The following SBSN variants were observed in gnomAD, a reference collection of about 807,000 sequenced individuals.
The protein encoded by SBSN is suprabasin.
Under a neutral mutation model 42.8 loss-of-function variants are expected in SBSN, and 33 were observed. That is an observed-to-expected ratio of 0.77 (90% CI 0.58 to 1.03). The LOEUF is 1.03. SBSN is among the 50% of genes least tolerant of loss of function. The probability of loss-of-function intolerance (pLI) is 0.00; values close to 1 mark genes in which losing one functional copy is unlikely to be tolerated. For missense variants in SBSN, 646 were observed against 757.3 expected (o/e 0.85, Z 1.72); for synonymous variants, 276 against 307.0 (o/e 0.90, Z 1.06).
chr19:35,525,582 T>C (rs1319759040), intron 1 of SBSN, among the ~76,000 whole-genome samples: 5 of 151,080 alleles, frequency 3.3e-5, no homozygotes, highest in Non-Finnish European at 5.9e-5. Context: ...CGCACAGGAG[T>C]CCACCCTCTC....
chr19:35,523,573 A>G, intron 3 of SBSN, 40 bp from the exon 4 acceptor site: 1 of 1,609,280 alleles, frequency 6.2e-7, no homozygotes, highest in East Asian at 2.2e-5. Flanking sequence ...TGTAGGGTCC[A>G]CAGTCATGAC....
In SBSN at chr19:35,527,933, G is replaced by C. The variant is rs1255579248; in HGVS notation, c.349C>G (p.His117Asp). 1 of 1,614,094 alleles carries C rather than the reference G, an allele frequency of 6.2e-7. No individual in the cohort carries two copies. Among genetic ancestry groups the C allele is most frequent in the East Asian group, 2.2e-5 (1 of 44,872 alleles). The change falls in exon 1 of 4, where the codon CAT (histidine) becomes GAT (aspartate). Residue 117 changes from histidine to aspartate, a missense_variant. His to Asp is a moderately conservative substitution (Grantham distance 81). This residue lies in a region of SBSN where 190 missense variants were observed against 197.1 expected (regional missense o/e 0.96). Transcript: ENST00000452271. ...TGTCCAGCAGCGTTGTTGACCCCATGGCCAAGCTTCTCTGCTTCCTTTCCT... is the reference window on the plus strand; with the variant it reads ...TGTCCAGCAGCGTTGTTGACCCCATCGCCAAGCTTCTCTGCTTCCTTTCCT... ...QAGKEAEKLG[H>D]GVNNAAGQVG...
intron 1 of SBSN, among the ~76,000 whole-genome samples, chr19:35,525,713 C>T (rs1713660299): frequency 6.6e-6 from 1 of 152,094 alleles, no homozygotes; most frequent in African/African-American, 2.4e-5. Context: ...GACAGAGTCT[C>T]ACTCTGTTGC....
rs749650252 is a variant in SBSN, at chr19:35,527,361, G to A, written c.921C>T (p.Ala307=). 9.2e-6 allele frequency: 14 copies of A among 1,524,116 alleles called. No individual in the cohort carries two copies. Among genetic ancestry groups the A allele is most frequent in the South Asian group, 4.7e-5 (4 of 84,424 alleles). The allele number at this position is 1,524,116 out of a possible 1,614,324, so 94.4% of individuals were successfully genotyped here. ...GGCCAAATCTCCCTGCCTCATTTCCGGCCTGCCCCGCAGCATGGTGGGCCC... is the reference window on the plus strand; with the variant it reads ...GGCCAAATCTCCCTGCCTCATTTCCAGCCTGCCCCGCAGCATGGTGGGCCC... The part of the protein sequence containing the change: ...GQGAHHAAGQ[A]GNEAGRFGQG... The change falls in exon 1 of 4, where the codon GCC becomes GCT. Residue 307 remains alanine (A), a synonymous_variant. Coordinates refer to ENST00000452271, the MANE Select transcript of SBSN (RefSeq NM_001166034.2).
chr19:35,524,262 TG>T (rs754008272), intron 3 of SBSN, among the ~76,000 whole-genome samples: 4 of 152,200 alleles, frequency 2.6e-5, no homozygotes, highest in African/African-American at 7.2e-5. Flanking sequence ...GCCTCTGCAC[TG>T]GGGTGACCTT....
chr19:35,524,280 G>A (rs548559385), intron 3 of SBSN, among the ~76,000 whole-genome samples: 34 of 152,350 alleles, frequency 2.2e-4, no homozygotes, highest in African/African-American at 8.2e-4. Context: ...CCTTGCACCA[G>A]GGAGAGGACA....
chr19:35,523,805 T>C (rs1415943390), intron 3 of SBSN, among the ~76,000 whole-genome samples: 3 of 152,214 alleles, frequency 2.0e-5, no homozygotes, highest in African/African-American at 7.2e-5. Flanking sequence ...TAGCCTGGGA[T>C]ACACAAGGGT....
chr19:35,526,553 G>C, intron 1 of SBSN, 91 bp downstream of exon 1: 1 of 1,181,362 alleles, frequency 8.5e-7, no homozygotes, highest in Non-Finnish European at 1.2e-6. Flanking sequence ...AAGGCTACGC[G>C]GACCCCCCCG....
rs1300984175 is a variant in SBSN, at chr19:35,527,554, C to T, written c.728G>A (p.Gly243Asp). ...GQVGKEAEKF[G>D]QGAHHAAGQA... is the part of the protein sequence containing the mutation. ...CCCCGCAGCATGGTGGGCCCCCTGG[C>T]CAAACTTCTCTGCCTCCTTCCCAAC... The change falls in exon 1 of 4, where the codon GGC (glycine) becomes GAC (aspartate). Residue 243 changes from glycine to aspartate, a missense_variant. Physicochemically the swap from Gly to Asp is moderately conservative, Grantham distance 94 (BLOSUM62 -1). This residue lies in a region of SBSN where 220 missense variants were observed against 334.5 expected (regional missense o/e 0.66). Transcript: ENST00000452271. 3.3e-6 allele frequency: 5 copies of T among 1,524,902 alleles called. No homozygotes were observed. The highest frequency in any genetic ancestry group is 2.6e-6 in the Non-Finnish European group (3 of 1,145,302). 94.5% of individuals were successfully genotyped at this position (1,524,902 alleles called of 1,614,324 possible). A position where few individuals can be genotyped will look rare whatever the true frequency, so the allele number is the denominator to read the frequency against.
At position 35,528,288 on chromosome 19, in the gene SBSN, G is replaced by T; in HGVS notation, c.-7C>A. 2 of 1,591,030 alleles carry T rather than the reference G, an allele frequency of 1.3e-6. No individual in the cohort carries two copies. On this transcript the variant is annotated 5_prime_UTR_variant, in exon 1 of 4. Coordinates refer to ENST00000452271, the MANE Select transcript of SBSN (RefSeq NM_001166034.2). Reference sequence around the variant, plus strand: ...CCAGACGTGCAAGATGCATATTGCTGGGAAGGTCGGGAAGGATGCAGAGAG... The same window carrying T: ...CCAGACGTGCAAGATGCATATTGCTTGGAAGGTCGGGAAGGATGCAGAGAG...
chr19:35,525,858 T>A (rs2071364490), intron 1 of SBSN, among the ~76,000 whole-genome samples: 1 of 152,126 alleles, frequency 6.6e-6, no homozygotes, highest in African/African-American at 2.4e-5. Context: ...AATTTTTGTA[T>A]TTTTAGTAGA....
At position 35,528,099 on chromosome 19, in the gene SBSN, G is replaced by T. The variant is rs780274742; in HGVS notation, c.183C>A (p.Ala61=). 1 of 1,613,728 alleles carries T rather than the reference G, an allele frequency of 6.2e-7. No individual in the cohort carries two copies. Among genetic ancestry groups the T allele is most frequent in the Non-Finnish European group, 8.5e-7 (1 of 1,180,008 alleles). The change falls in exon 1 of 4, where the codon GCC becomes GCA. Residue 61 remains alanine, a synonymous_variant. Coordinates refer to ENST00000452271, the MANE Select transcript of SBSN (RefSeq NM_001166034.2). ...LDGINSGITH[A]GREVEKVFNG... ...TGAAAACCTTCTCCACTTCCCTTCC[G>T]GCATGCGTGATTCCACTGTTGATGC...
chr19:35,523,977 G>A (rs765648604), intron 3 of SBSN, among the ~76,000 whole-genome samples: 5 of 152,162 alleles, frequency 3.3e-5, no homozygotes, highest in South Asian at 2.1e-4. Context: ...TCAGGAGTTC[G>A]AGACCAGCCT....
chr19:35,525,447 C>A (rs1193109381), intron 1 of SBSN, among the ~76,000 whole-genome samples: 2 of 152,028 alleles, frequency 1.3e-5, no homozygotes, highest in African/African-American at 2.4e-5. Flanking sequence ...TCCTCTGCTG[C>A]GCCGTTCCTC....
rs946685026 is a variant in SBSN at position 35,525,980 on chromosome 19, G to T, written c.1638+664C>A. Among the ~76,000 whole-genome samples, 6 of 152,140 alleles carry T rather than the reference G, an allele frequency of 3.9e-5. 1 individual carries two copies. In the South Asian group the frequency reaches 1.2e-3, roughly 31 times the overall value. ...TTAACAGGCATGAGCCACTGAACCT[G>T]GCCTCTGTTCCCCCTACATAAATGG... On this transcript the variant is annotated intron_variant, in intron 1 of 3. Transcript: ENST00000452271.
rs561114497 is a variant in SBSN at position 35,527,919 on chromosome 19, G to T, written c.363C>A (p.Asn121Lys). Residue 121 changes from asparagine to lysine, a missense_variant, in exon 1 of 4, where the codon AAC (asparagine) becomes AAA (lysine). Physicochemically the swap from Asn to Lys is moderately conservative, Grantham distance 94. This residue lies in a region of SBSN where 190 missense variants were observed against 197.1 expected (regional missense o/e 0.96). Coordinates refer to ENST00000452271, the MANE Select transcript of SBSN (RefSeq NM_001166034.2). ...CCTCCTTCCCAACCTGTCCAGCAGCGTTGTTGACCCCATGGCCAAGCTTCT... is the reference window on the plus strand; with the variant it reads ...CCTCCTTCCCAACCTGTCCAGCAGCTTTGTTGACCCCATGGCCAAGCTTCT... ...EAEKLGHGVNNAAGQVGKEAD... is the reference protein window; with the variant it reads ...EAEKLGHGVNKAAGQVGKEAD... 3.1e-6 allele frequency: 5 copies of T among 1,614,010 alleles called. No homozygotes were observed. In the East Asian group the frequency reaches 1.1e-4, roughly 36 times the overall value.
In SBSN at chr19:35,527,993, C is replaced by A. The variant is rs2071402183; in HGVS notation, c.289G>T (p.Val97Phe). Residue 97 changes from valine (V) to phenylalanine (F), a missense_variant, in exon 1 of 4, where the codon GTT becomes TTT. Physicochemically the swap from Val to Phe is conservative, Grantham distance 50. Transcript: ENST00000452271. ...ATACCATGGTTGATCTCATGGGCAACCTTGTCCATGCCGTGGTTGAGCCCC... is the reference window on the plus strand; with the variant it reads ...ATACCATGGTTGATCTCATGGGCAAACTTGTCCATGCCGTGGTTGAGCCCC... The part of the protein sequence containing the change: ...VQGLNHGMDK[V>F]AHEINHGIGQ... 6.2e-7 allele frequency: 1 copy of A among 1,613,836 alleles called. No homozygotes were observed. Among genetic ancestry groups the A allele is most frequent in the Admixed American group, 1.7e-5 (1 of 59,980 alleles).
chr19:35,527,743 T>A lies in SBSN; in HGVS notation c.539A>T (p.Gln180Leu). Residue 180 changes from glutamine (Q) to leucine (L), a missense_variant, in exon 1 of 4, where the codon CAG (glutamine) becomes CTG (leucine). Physicochemically the swap from Gln to Leu is moderately radical, Grantham distance 113. Coordinates refer to ENST00000452271, the MANE Select transcript of SBSN (RefSeq NM_001166034.2). Reference protein sequence around the residue: ...FGQGVHHAAGQAGNEAGRFGQ... With the variant: ...FGQGVHHAAGLAGNEAGRFGQ... ...AAACCTCCCAGCCTCATTTCCGGCC[T>A]GCCCTGCAGCATGGTGGACTCCCTG... 1 of 1,576,126 alleles carries A rather than the reference T, an allele frequency of 6.3e-7. No homozygotes were observed. The highest frequency in any genetic ancestry group is 2.2e-5 in the East Asian group (1 of 44,700).
At chr19:35,526,605 A>ACCCCCCTT in intron 1 of SBSN, 39 bp downstream of exon 1, 7 of 427,090 alleles carry the variant, frequency 1.6e-5, no homozygotes, top group South Asian at 5.6e-5. Context: ...CCCTCCCCCA[A>ACCCCCCTT]CCCCCCTGTC....
Sources: allele counts gnomAD v4.1 joint callset (sites outside exome capture counted in the v4.1 genomes callset), GRCh38; gene constraint gnomAD v4.1.1; regional missense constraint gnomAD v4.1.1; transcripts MANE v1.5; gene names NCBI Gene and HGNC (gene_info 2026-07-23, HGNC 2026-07-21).